Variants in NRXN1 observed in about 807,000 individuals in gnomAD.
NRXN1 encodes the protein neurexin-1.
NRXN1 carries 39 observed loss-of-function variants against 150.9 expected under a neutral mutation model. The ratio of observed to expected loss-of-function variants is 0.26; its 90% CI spans 0.20 to 0.34. The LOEUF (loss-of-function observed/expected upper bound fraction) is 0.34. Ranked by LOEUF, NRXN1 falls within the 10% of genes least tolerant of loss-of-function variation. NRXN1 has a pLI of 1.00. For synonymous variants in NRXN1, 924 were observed against 757.0 expected (o/e 1.22, Z -3.62); for missense variants, 1,815 against 1,949.9 (o/e 0.93, Z 1.30).
chr2:49,920,830 A>G lies in NRXN1; in HGVS notation c.*1114T>C, dbSNP rs2103977388. On this transcript the variant is annotated 3_prime_UTR_variant, in exon 23 of 23. Coordinates refer to ENST00000401669, the MANE Select transcript of NRXN1 (RefSeq NM_001330078.2). ...ATGTATATATGTGACTTTCTAATTC[A>G]CACCTTTCATACAAGTACTAAAACT... is the stretch of plus-strand genomic sequence containing the variant. 6.6e-6 allele frequency: 1 copy of G among 152,600 alleles called. No homozygotes were observed. The highest frequency in any genetic ancestry group is 1.5e-5 in the Non-Finnish European group (1 of 68,008). The allele number at this position is 152,600 out of a possible 1,614,324, so 9.5% of individuals were successfully genotyped here.
At chr2:50,784,343 G>A (rs1475515646) in intron 5 of NRXN1, among the ~76,000 whole-genome samples, 1 of 152,020 alleles carries the variant, frequency 6.6e-6, no homozygotes, top group African/African-American at 2.4e-5. Flanking sequence ...GGGTCCTGTG[G>A]GAGCAGAGAG....
chr2:50,124,204 C>G (rs1352813081), intron 18 of NRXN1, among the ~76,000 whole-genome samples: 1 of 152,056 alleles, frequency 6.6e-6, no homozygotes, highest in African/African-American at 2.4e-5. Context: ...TAAAATGCTG[C>G]TTGTAGTCCA....
intron 17 of NRXN1, among the ~76,000 whole-genome samples, chr2:50,407,785 C>G (rs1345217995): frequency 6.6e-6 from 1 of 152,066 alleles, no homozygotes; most frequent in Non-Finnish European, 1.5e-5. Flanking sequence ...GTTCCTTGAC[C>G]TTGGAATTCT....
chr2:50,982,700 A>G (rs1290465980), intron 2 of NRXN1, among the ~76,000 whole-genome samples: 1 of 152,112 alleles, frequency 6.6e-6, no homozygotes, highest in African/African-American at 2.4e-5. Flanking sequence ...TGTTGACTAC[A>G]AAGATGTTGA....
At chr2:50,549,546 A>G (rs1192102731) in intron 9 of NRXN1, among the ~76,000 whole-genome samples, 1 of 152,190 alleles carries the variant, frequency 6.6e-6, no homozygotes, top group Non-Finnish European at 1.5e-5. Context: ...GAAAAATCTC[A>G]TGCTTCGTTT....
At chr2:50,364,715 G>A (rs557003772) in intron 17 of NRXN1, among the ~76,000 whole-genome samples, 3 of 152,202 alleles carry the variant, frequency 2.0e-5, no homozygotes, top group Admixed American at 6.6e-5. Context: ...GGTAAAAGAA[G>A]AGTAAAGGTG....
intron 17 of NRXN1, among the ~76,000 whole-genome samples, chr2:50,366,707 A>C (rs1046332481): frequency 9.9e-5 from 15 of 152,028 alleles, no homozygotes; most frequent in African/African-American, 3.4e-4. Context: ...TTTTTGCCAT[A>C]AAACCTTATT....
Position 50,391,035 on chromosome 2 carries a change from C to A in NRXN1, c.3364+74407G>T, listed in dbSNP as rs2081655441. Among the ~76,000 whole-genome samples, 3 of 152,072 alleles carry A rather than the reference C, an allele frequency of 2.0e-5. No individual in the cohort carries two copies. In the South Asian group the frequency reaches 6.2e-4, roughly 32 times the overall value. ...CTAATATGCTCTGGACTGATTTTCC[C>A]AGACTTTGGAAATGTTTTACCTTTA... is the stretch of plus-strand genomic sequence containing the variant. On this transcript the variant is annotated intron_variant, in intron 17 of 22. Transcript: ENST00000401669.
intron 18 of NRXN1, among the ~76,000 whole-genome samples, chr2:50,128,666 TA>T (rs1302293439): frequency 6.6e-6 from 1 of 151,980 alleles, no homozygotes; most frequent in East Asian, 1.9e-4. Flanking sequence ...ATATAAGTCT[TA>T]ATAAGCAGGA....
chr2:50,181,893 G>A (rs536864565), intron 18 of NRXN1, among the ~76,000 whole-genome samples: 1 of 152,054 alleles, frequency 6.6e-6, no homozygotes, highest in African/African-American at 2.4e-5. Context: ...GCAAAGGTCA[G>A]GAACAGGTCT....
intron 2 of NRXN1, among the ~76,000 whole-genome samples, chr2:50,974,718 T>C (rs1242059133): frequency 1.3e-5 from 2 of 152,014 alleles, no homozygotes; most frequent in African/African-American, 4.8e-5. Flanking sequence ...CATACCAATA[T>C]GAAATAAATC....
chr2:50,523,063 T>C (rs565938007), intron 12 of NRXN1, among the ~76,000 whole-genome samples: 1 of 152,190 alleles, frequency 6.6e-6, no homozygotes, highest in African/African-American at 2.4e-5. Context: ...TAAAGACTCA[T>C]TGCCATGTGC....
intron 17 of NRXN1, among the ~76,000 whole-genome samples, chr2:50,315,344 AG>A (rs753534417): frequency 3.9e-5 from 6 of 152,232 alleles, no homozygotes. Flanking sequence ...GGGTGACTAA[AG>A]AAGGGAGACA....
chr2:50,758,691 T>C (rs1412428739), intron 5 of NRXN1, among the ~76,000 whole-genome samples: 1 of 151,906 alleles, frequency 6.6e-6, no homozygotes, highest in East Asian at 1.9e-4. Context: ...ATTGTTTCTT[T>C]TTCCAGAGTA....
chr2:49,925,396 C>T (rs1447138527), intron 22 of NRXN1, among the ~76,000 whole-genome samples: 1 of 151,720 alleles, frequency 6.6e-6, no homozygotes, highest in Non-Finnish European at 1.5e-5. Context: ...ATAAATGTGG[C>T]TTCTCTTATT....
chr2:51,021,406 T>G (rs1218201778), intron 2 of NRXN1, among the ~76,000 whole-genome samples: 1 of 152,000 alleles, frequency 6.6e-6, no homozygotes, highest in Non-Finnish European at 1.5e-5. Flanking sequence ...CTCAGAGCCC[T>G]GGTTTTCATA....
intron 17 of NRXN1, among the ~76,000 whole-genome samples, chr2:50,361,882 A>G (rs989762815): frequency 4.6e-5 from 7 of 152,208 alleles, no homozygotes; most frequent in African/African-American, 1.7e-4. Context: ...CCAGCAGCAC[A>G]TCAAAAAGCT....
intron 3 of NRXN1, among the ~76,000 whole-genome samples, chr2:50,924,130 T>C (rs906438070): frequency 4.7e-5 from 7 of 149,774 alleles, no homozygotes; most frequent in African/African-American, 1.7e-4. Context: ...CAAGTAACAT[T>C]TTATAAGTTT....
At chr2:50,809,132 G>T (rs1208226935) in intron 5 of NRXN1, among the ~76,000 whole-genome samples, 2 of 152,074 alleles carry the variant, frequency 1.3e-5, no homozygotes, top group Non-Finnish European at 2.9e-5. Flanking sequence ...CATGGAAAAT[G>T]AGGATCTATT....
Sources: gnomAD v4.1 joint callset for allele counts (sites outside exome capture counted in the v4.1 genomes callset) on GRCh38, gnomAD v4.1.1 for gene constraint, MANE v1.5 for transcripts, NCBI Gene and HGNC (gene_info 2026-07-23, HGNC 2026-07-21) for gene names.